The following TANC2 variants were observed in gnomAD, a reference collection of about 807,000 sequenced individuals.
TANC2 encodes the protein protein TANC2.
Under a neutral mutation model 210.5 loss-of-function variants are expected in TANC2, and 26 were observed. That is an observed-to-expected ratio of 0.12 (90% CI 0.09 to 0.17). The LOEUF (loss-of-function observed/expected upper bound fraction) is 0.17. Among genes scored for constraint, TANC2 ranks in the 10% least tolerant of loss-of-function variants. The pLI, the probability that TANC2 is intolerant of heterozygous loss-of-function variation, is 1.00. For missense variants in TANC2, 2,129 were observed against 2,608.9 expected, an observed-to-expected ratio of 0.82 and a Z score of 4.01; for synonymous variants, 931 against 967.1, an observed-to-expected ratio of 0.96 and a Z score of 0.69.
intron 7 of TANC2, among the ~76,000 whole-genome samples, chr17:63,227,846 A>G (rs1020410370): frequency 1.3e-5 from 2 of 152,054 alleles, no homozygotes; most frequent in South Asian, 4.2e-4. Context: ...TCCCAGCACC[A>G]TTTATTTATT....
At position 63,106,552 on chromosome 17, in the gene TANC2, A is replaced by G. The variant is rs78516023; in HGVS notation, c.322+7195A>G. ...ATTCTCACTAAACTGAGTTAGCAGG[A>G]TTCTTGCTACAACTGGGCCAGGAGG... On this transcript the variant is annotated intron_variant, in intron 4 of 27. Transcript: ENST00000689528. Among the ~76,000 whole-genome samples the G allele has an allele frequency of 2.2e-3, 339 of 151,724 alleles. 13 individuals are homozygous for G. The highest frequency in any genetic ancestry group is 7.5e-3 in the African/African-American group (307 of 41,008).
chr17:63,368,533 A>T (rs751337305), intron 14 of TANC2, among the ~76,000 whole-genome samples: 1 of 152,254 alleles, frequency 6.6e-6, no homozygotes, highest in African/African-American at 2.4e-5. Flanking sequence ...CTAAAAGAAG[A>T]TGATGAGCCA....
intron 2 of TANC2, among the ~76,000 whole-genome samples, chr17:63,014,232 ATTCT>A (rs1465270467): frequency 3.3e-5 from 5 of 151,826 alleles, no homozygotes; most frequent in Non-Finnish European, 7.4e-5. Flanking sequence ...CTTTATTGGT[ATTCT>A]TTATTTGGTG....
chr17:63,354,687 G>T, intron 13 of TANC2, 96 bp from the exon 14 acceptor site: 2 of 1,462,322 alleles, frequency 1.4e-6, no homozygotes, highest in South Asian at 1.5e-5. Flanking sequence ...TGGCCACTTC[G>T]AAGTTCAGAA....
At chr17:63,118,310 A>C (rs1185052931) in intron 4 of TANC2, among the ~76,000 whole-genome samples, 2 of 152,080 alleles carry the variant, frequency 1.3e-5, no homozygotes, top group African/African-American at 2.4e-5. Context: ...TTATTTTCTC[A>C]GTTGAGTTTA....
intron 6 of TANC2, among the ~76,000 whole-genome samples, chr17:63,195,848 C>G (rs1003162641): frequency 1.3e-5 from 2 of 152,150 alleles, no homozygotes; most frequent in African/African-American, 4.8e-5. Context: ...AAGGCTACAC[C>G]TGATCTAGCC....
intron 9 of TANC2, among the ~76,000 whole-genome samples, chr17:63,276,076 G>T (rs2043863178): frequency 6.6e-6 from 1 of 152,030 alleles, no homozygotes; most frequent in South Asian, 2.1e-4. Context: ...AAAAAATTTT[G>T]TAATTCAGTA....
chr17:63,136,861 A>G (rs2039107517), intron 4 of TANC2, among the ~76,000 whole-genome samples: 1 of 152,122 alleles, frequency 6.6e-6, no homozygotes, highest in Admixed American at 6.5e-5. Flanking sequence ...CTAGCAGAGA[A>G]TGACAGTCTT....
At chr17:63,271,129 T>C (rs1436615154) in intron 9 of TANC2, among the ~76,000 whole-genome samples, 5 of 152,154 alleles carry the variant, frequency 3.3e-5, no homozygotes, top group African/African-American at 7.2e-5. Flanking sequence ...AGTCAACATA[T>C]GTGTGCATGT....
chr17:63,204,428 C>G (rs964736452), intron 7 of TANC2, among the ~76,000 whole-genome samples: 4 of 143,056 alleles, frequency 2.8e-5, no homozygotes, highest in African/African-American at 7.6e-5. Flanking sequence ...TCTACAGATT[C>G]AAATCAATCT....
chr17:63,073,616 A>G (rs1295930708), intron 2 of TANC2, among the ~76,000 whole-genome samples: 1 of 152,186 alleles, frequency 6.6e-6, no homozygotes, highest in African/African-American at 2.4e-5. Flanking sequence ...GATTGTTTTA[A>G]ATCAGGCCTT....
At chr17:63,211,546 C>T (rs561271165) in intron 7 of TANC2, among the ~76,000 whole-genome samples, 1 of 152,216 alleles carries the variant, frequency 6.6e-6, no homozygotes, top group South Asian at 2.1e-4. Flanking sequence ...TCTGTCACCA[C>T]CACTACTACT....
In TANC2 at chr17:63,039,972, G is replaced by A. The variant is rs139741824; in HGVS notation, c.67+30346G>A. Among the ~76,000 whole-genome samples, 90 of 152,216 alleles carry A rather than the reference G, an allele frequency of 5.9e-4. No individual in the cohort carries two copies. The East Asian group carries it at 0.013, about 22-fold the overall frequency. On this transcript the variant is annotated intron_variant, in intron 2 of 27. Coordinates refer to ENST00000689528, the Ensembl canonical transcript of TANC2. ...TTAATACTGGATTTTTAAAAAGTAA[G>A]CACTTTTAGTTTTTATATTTTCTCT... is the stretch of plus-strand genomic sequence containing the variant.
At chr17:63,423,109 G>C (rs1341721448) in exon 28 of TANC2, 1 of 152,206 alleles carries the variant, frequency 6.6e-6, no homozygotes, top group Non-Finnish European at 1.5e-5. Flanking sequence ...GCCCGTTGTT[G>C]TCTACTTCCA....
chr17:62,992,777 C>T (rs1227009622), intron 1 of TANC2, among the ~76,000 whole-genome samples: 1 of 152,144 alleles, frequency 6.6e-6, no homozygotes, highest in Non-Finnish European at 1.5e-5. Context: ...TACATGTTGG[C>T]TACTATTATA....
intron 4 of TANC2, among the ~76,000 whole-genome samples, chr17:63,117,795 G>A (rs1377499248): frequency 3.3e-5 from 5 of 152,160 alleles, no homozygotes; most frequent in Admixed American, 1.3e-4. Context: ...TATTTGTTAC[G>A]TGGATTTCTG....
chr17:63,359,310 A>T (rs2046884602), intron 14 of TANC2, among the ~76,000 whole-genome samples: 1 of 151,104 alleles, frequency 6.6e-6, no homozygotes, highest in Admixed American at 6.6e-5. Context: ...TTGTCCTCCC[A>T]AAGTGCTGGG....
intron 2 of TANC2, among the ~76,000 whole-genome samples, chr17:63,033,824 A>G (rs73341706): frequency 0.021 from 3,227 of 152,236 alleles, 106 homozygotes; most frequent in African/African-American, 0.072. Context: ...AGGCAGAGGA[A>G]GAGAGAGAGA....
chr17:62,983,195 A>G (rs1259717577), intron 1 of TANC2, among the ~76,000 whole-genome samples: 2 of 151,962 alleles, frequency 1.3e-5, no homozygotes, highest in African/African-American at 2.4e-5. Flanking sequence ...TAAGTATTTT[A>G]TATTTTGTAG....
Sources: gnomAD v4.1 joint callset for allele counts (sites outside exome capture counted in the v4.1 genomes callset) on GRCh38, gnomAD v4.1.1 for gene constraint, MANE v1.5 for transcripts, NCBI Gene and HGNC (gene_info 2026-07-23, HGNC 2026-07-21) for gene names.